The following PLPPR1 variants were observed in gnomAD, a reference collection of about 807,000 sequenced individuals.
The protein encoded by PLPPR1 is phospholipid phosphatase-related protein type 1.
A neutral mutation model predicts 33.1 loss-of-function variants in PLPPR1; 10 were observed. The ratio of observed to expected loss-of-function variants is 0.30; its 90% CI spans 0.19 to 0.51. The LOEUF is 0.51. PLPPR1 is among the 20% of genes least tolerant of loss of function. The pLI, the probability that PLPPR1 is intolerant of heterozygous loss-of-function variation, is 0.97. For synonymous variants in PLPPR1, 151 were observed against 151.0 expected, an observed-to-expected ratio of 1.00 and a Z score of 0.00; for missense variants, 304 against 408.1, an observed-to-expected ratio of 0.74 and a Z score of 2.20.
At chr9:101,296,803 G>T (rs924757820) in intron 4 of PLPPR1, among the ~76,000 whole-genome samples, 1 of 149,968 alleles carries the variant, frequency 6.7e-6, no homozygotes, top group African/African-American at 2.5e-5. Context: ...TTGTGGGGTG[G>T]GTGGAGCGGG....
At chr9:101,239,567 T>C (rs1283726485) in intron 2 of PLPPR1, among the ~76,000 whole-genome samples, 2 of 152,006 alleles carry the variant, frequency 1.3e-5, no homozygotes, top group Non-Finnish European at 2.9e-5. Context: ...CCTTTTTCAT[T>C]GCATCCTTGA....
chr9:101,086,632 C>T (rs1830679285), intron 1 of PLPPR1, among the ~76,000 whole-genome samples: 3 of 152,150 alleles, frequency 2.0e-5, no homozygotes, highest in Admixed American at 2.0e-4. Context: ...GACTCTCACC[C>T]AACATTTGTT....
At chr9:101,121,611 C>T (rs2118594556) in intron 1 of PLPPR1, among the ~76,000 whole-genome samples, 2 of 152,276 alleles carry the variant, frequency 1.3e-5, no homozygotes, top group Middle Eastern at 6.8e-3. Flanking sequence ...CCTACCTTAG[C>T]TTCATTCTAC....
intron 2 of PLPPR1, among the ~76,000 whole-genome samples, chr9:101,245,320 A>G (rs757218262): frequency 1.3e-4 from 20 of 152,162 alleles, no homozygotes; most frequent in Non-Finnish European, 2.4e-4. Flanking sequence ...AAGTATTGCA[A>G]TATAACGTGT....
At chr9:101,061,315 A>G (rs1336876048) in intron 1 of PLPPR1, among the ~76,000 whole-genome samples, 1 of 151,930 alleles carries the variant, frequency 6.6e-6, no homozygotes, top group African/African-American at 2.4e-5. Flanking sequence ...TCTTCATCCC[A>G]TTAACTTTCA....
At chr9:101,183,554 G>T (rs1006384986) in intron 1 of PLPPR1, among the ~76,000 whole-genome samples, 23 of 151,584 alleles carry the variant, frequency 1.5e-4, no homozygotes, top group African/African-American at 5.1e-4. Flanking sequence ...TCTTTTAGGG[G>T]TGATTAAAAA....
chr9:101,217,183 G>A (rs770679007), intron 2 of PLPPR1, among the ~76,000 whole-genome samples: 20 of 151,804 alleles, frequency 1.3e-4, no homozygotes, highest in Non-Finnish European at 2.8e-4. Context: ...GATCTTTGAG[G>A]TAGTAATTAT....
chr9:101,236,562 T>C (rs1564010634), intron 2 of PLPPR1, among the ~76,000 whole-genome samples: 1 of 123,112 alleles, frequency 8.1e-6, no homozygotes, highest in Non-Finnish European at 1.7e-5. Context: ...ACACACACAT[T>C]TTCTTCATAG....
intron 1 of PLPPR1, among the ~76,000 whole-genome samples, chr9:101,062,289 A>G (rs536545454): frequency 6.6e-6 from 1 of 152,058 alleles, no homozygotes; most frequent in African/African-American, 2.4e-5. Context: ...AATCCCTTCA[A>G]ACTTACAGAT....
chr9:101,195,395 T>C (rs537445987), intron 2 of PLPPR1, among the ~76,000 whole-genome samples: 1 of 152,148 alleles, frequency 6.6e-6, no homozygotes, highest in Non-Finnish European at 1.5e-5. Flanking sequence ...ATCCAGATAA[T>C]AAAAGGTTTT....
intron 1 of PLPPR1, among the ~76,000 whole-genome samples, chr9:101,073,736 T>A (rs1830506392): frequency 6.6e-6 from 1 of 152,202 alleles, no homozygotes; most frequent in Admixed American, 6.5e-5. Flanking sequence ...TTTTACAATG[T>A]GTTCAGCTAG....
intron 1 of PLPPR1, among the ~76,000 whole-genome samples, chr9:101,132,706 C>T (rs1479120388): frequency 6.6e-6 from 1 of 152,180 alleles, no homozygotes; most frequent in Admixed American, 6.5e-5. Context: ...TGCAATACTG[C>T]ACCACTCTGG....
intron 2 of PLPPR1, 60 bp downstream of exon 2, chr9:101,185,617 G>T (rs760462653): frequency 8.0e-6 from 8 of 994,870 alleles, no homozygotes; most frequent in Non-Finnish European, 1.2e-5. Context: ...TTTTTATTCT[G>T]ATAACTTAGA....
chr9:101,238,262 ACAC>A, intron 2 of PLPPR1, among the ~76,000 whole-genome samples: 1 of 136,986 alleles, frequency 7.3e-6, no homozygotes, highest in African/African-American at 2.7e-5. Flanking sequence ...AGGTATATAT[ACAC>A]CCTATATATA....
intron 1 of PLPPR1, among the ~76,000 whole-genome samples, chr9:101,157,763 AGGCTAAGGT>A (rs897549596): frequency 7.0e-4 from 107 of 152,124 alleles, no homozygotes; most frequent in African/African-American, 2.5e-3. Flanking sequence ...GCACTTTGGG[AGGCTAAGGT>A]GGGTGGATCA....
chr9:101,128,591 G>A (rs1304605464), intron 1 of PLPPR1, among the ~76,000 whole-genome samples: 1 of 152,144 alleles, frequency 6.6e-6, no homozygotes, highest in Non-Finnish European at 1.5e-5. Context: ...TAACATGACA[G>A]GAGGGTGATG....
intron 1 of PLPPR1, among the ~76,000 whole-genome samples, chr9:101,060,533 A>G (rs1361860698): frequency 6.6e-6 from 1 of 152,026 alleles, no homozygotes; most frequent in Non-Finnish European, 1.5e-5. Context: ...CCATTTCTCC[A>G]TATATACATA....
chr9:101,247,745 T>A (rs1827638642), intron 2 of PLPPR1, among the ~76,000 whole-genome samples: 1 of 152,040 alleles, frequency 6.6e-6, no homozygotes. Flanking sequence ...TCTGGAGCGC[T>A]GATTTTTCAC....
At chr9:101,176,065 A>G (rs1021893670) in intron 1 of PLPPR1, among the ~76,000 whole-genome samples, 1 of 152,230 alleles carries the variant, frequency 6.6e-6, no homozygotes, top group African/African-American at 2.4e-5. Flanking sequence ...GCAACCACAA[A>G]TGCCAATAGG....
Sources: gnomAD v4.1 joint callset for allele counts (sites outside exome capture counted in the v4.1 genomes callset) on GRCh38, gnomAD v4.1.1 for gene constraint, MANE v1.5 for transcripts, NCBI Gene and HGNC (gene_info 2026-07-23, HGNC 2026-07-21) for gene names.